DTWD2: variants seen among roughly 807,000 people sequenced by gnomAD.
DTWD2 encodes DTW motif tRNA-uridine aminocarboxypropyltransferase 2.
Under a neutral mutation model 31.8 loss-of-function variants are expected in DTWD2, and 39 were observed. The observed-to-expected ratio is 1.22, with a 90% confidence interval of 0.95 to 1.60. DTWD2 has a LOEUF of 1.60. Among genes scored for constraint, DTWD2 ranks in the 40% most tolerant of loss-of-function variants. The pLI, the probability that DTWD2 is intolerant of heterozygous loss-of-function variation, is 0.00. For synonymous variants in DTWD2, 180 were observed against 142.8 expected (o/e 1.26, Z -1.86); for missense variants, 515 against 381.5 (o/e 1.35, Z -2.92).
intron 4 of DTWD2, among the ~76,000 whole-genome samples, chr5:118,927,364 T>C (rs1753831046): frequency 6.6e-6 from 1 of 151,794 alleles, no homozygotes; most frequent in Non-Finnish European, 1.5e-5. Context: ...AAAGATGAAA[T>C]ATAAAATTGG....
chr5:118,939,293 T>G lies in DTWD2; in HGVS notation c.310-3A>C, dbSNP rs931258022. 1.3e-6 allele frequency: 2 copies of G among 1,560,724 alleles called. No homozygotes were observed. Among genetic ancestry groups the G allele is most frequent in the African/African-American group, 1.4e-5 (1 of 72,454 alleles). ...ACTGTACGCAACACTTTGTTTTCCT[T>G]TAATTAAAAAATGAATTGAAACATA... On this transcript the variant is annotated splice_polypyrimidine_tract_variant and splice_region_variant and intron_variant, in intron 2 of 5. Transcript: ENST00000510708.
At chr5:118,955,367 T>C (rs924230079) in intron 1 of DTWD2, among the ~76,000 whole-genome samples, 1 of 152,222 alleles carries the variant, frequency 6.6e-6, no homozygotes, top group African/African-American at 2.4e-5. Context: ...TCTGCATGCA[T>C]GGTAATGGTG....
intron 4 of DTWD2, among the ~76,000 whole-genome samples, chr5:118,911,726 AT>A (rs1485101859): frequency 6.6e-6 from 1 of 152,232 alleles, no homozygotes; most frequent in Non-Finnish European, 1.5e-5. Flanking sequence ...GGATTCTGCC[AT>A]TTGCGGCAAG....
At chr5:118,915,960 TTAAAGA>T (rs1375941369) in intron 4 of DTWD2, among the ~76,000 whole-genome samples, 1 of 152,178 alleles carries the variant, frequency 6.6e-6, no homozygotes, top group Non-Finnish European at 1.5e-5. Context: ...ATGAGCACTC[TTAAAGA>T]TAAAGAAGTT....
intron 1 of DTWD2, among the ~76,000 whole-genome samples, chr5:118,981,565 C>T (rs1315814966): frequency 6.6e-6 from 1 of 151,952 alleles, no homozygotes. Flanking sequence ...AATCCAACCC[C>T]TCCCTCTCTC....
At chr5:118,858,125 G>T (rs1231945784) in intron 4 of DTWD2, among the ~76,000 whole-genome samples, 1 of 151,664 alleles carries the variant, frequency 6.6e-6, no homozygotes, top group South Asian at 2.1e-4. Flanking sequence ...GTGGTTATTT[G>T]TCACACAACA....
intron 4 of DTWD2, 21 bp from the exon 5 acceptor site, chr5:118,848,239 G>T (rs888847869): frequency 2.4e-5 from 37 of 1,557,212 alleles, no homozygotes; most frequent in Non-Finnish European, 3.0e-5. Context: ...AAACAAAATA[G>T]AACATAATTT....
intron 1 of DTWD2, among the ~76,000 whole-genome samples, chr5:118,963,443 T>A (rs1429900755): frequency 6.6e-6 from 1 of 152,080 alleles, no homozygotes; most frequent in Non-Finnish European, 1.5e-5. Flanking sequence ...AAGGGGTGTA[T>A]GGAGGAGGAA....
chr5:118,947,974 C>T (rs1754376783), intron 1 of DTWD2, among the ~76,000 whole-genome samples: 1 of 152,080 alleles, frequency 6.6e-6, no homozygotes, highest in African/African-American at 2.4e-5. Context: ...ACTTTAATAA[C>T]AAATGTTGCA....
intron 4 of DTWD2, among the ~76,000 whole-genome samples, chr5:118,887,045 G>C (rs778427868): frequency 2.0e-5 from 3 of 152,140 alleles, no homozygotes; most frequent in Non-Finnish European, 4.4e-5. Flanking sequence ...AAAGAAGTTA[G>C]AGGAAAGCAA....
intron 4 of DTWD2, among the ~76,000 whole-genome samples, chr5:118,850,085 C>A (rs1215179389): frequency 2.6e-5 from 4 of 151,316 alleles, no homozygotes; most frequent in African/African-American, 9.7e-5. Flanking sequence ...AAAGAACTCC[C>A]TAGTCAATAA....
At chr5:118,856,131 C>A (rs1255580809) in intron 4 of DTWD2, among the ~76,000 whole-genome samples, 4 of 152,146 alleles carry the variant, frequency 2.6e-5, no homozygotes, top group Non-Finnish European at 5.9e-5. Flanking sequence ...AGTAAAAGTT[C>A]TCCTAATAAA....
chr5:118,988,431 G>T lies in DTWD2; in HGVS notation c.81C>A (p.Asn27Lys), dbSNP rs1755487224. The change falls in exon 1 of 6, where the codon AAC becomes AAA. Residue 27 changes from asparagine (N) to lysine (K), a missense_variant. By Grantham distance (94) the Asn-to-Lys change is moderately conservative (BLOSUM62 0). Coordinates refer to ENST00000510708, the MANE Select transcript of DTWD2 (RefSeq NM_173666.4). The stretch of plus-strand genomic sequence containing the variant: ...CGCCGCCCTCCCGCCGCTCCTTGTC[G>T]TTCGGCGTCTGAGAGCTTGAGGCCC... ...PSGASSSQTP[N>K]DKERREGGAV... 6.2e-7 allele frequency: 1 copy of T among 1,607,166 alleles called. No homozygotes were observed. The highest frequency in any genetic ancestry group is 2.3e-5 in the East Asian group (1 of 44,332).
intron 4 of DTWD2, among the ~76,000 whole-genome samples, chr5:118,883,920 C>T (rs1752798289): frequency 6.6e-6 from 1 of 152,162 alleles, no homozygotes; most frequent in Non-Finnish European, 1.5e-5. Flanking sequence ...GGGCTATGAA[C>T]TTCACAAATA....
intron 4 of DTWD2, among the ~76,000 whole-genome samples, chr5:118,897,606 T>A (rs1038148652): frequency 2.6e-5 from 4 of 152,222 alleles, no homozygotes; most frequent in Non-Finnish European, 5.9e-5. Flanking sequence ...CAACCTGCTA[T>A]GTTAATTATT....
intron 1 of DTWD2, among the ~76,000 whole-genome samples, chr5:118,983,340 G>T (rs1489258022): frequency 6.6e-6 from 1 of 152,146 alleles, no homozygotes; most frequent in Non-Finnish European, 1.5e-5. Context: ...TGTCACAAAA[G>T]CCAGAAATCT....
At chr5:118,893,607 G>A (rs1283566690) in intron 4 of DTWD2, among the ~76,000 whole-genome samples, 1 of 152,034 alleles carries the variant, frequency 6.6e-6, no homozygotes, top group Non-Finnish European at 1.5e-5. Flanking sequence ...TTCAGATGGG[G>A]AGATTATACT....
intron 1 of DTWD2, among the ~76,000 whole-genome samples, chr5:118,967,733 T>A (rs919621707): frequency 3.9e-5 from 6 of 152,178 alleles, no homozygotes; most frequent in African/African-American, 1.4e-4. Context: ...GACACAGCTC[T>A]TCCATATAGA....
chr5:118,854,850 A>G (rs1204244222), intron 4 of DTWD2, among the ~76,000 whole-genome samples: 1 of 152,202 alleles, frequency 6.6e-6, no homozygotes, highest in Non-Finnish European at 1.5e-5. Flanking sequence ...TACATTAATC[A>G]TAGAAATATG....
Sources: allele counts gnomAD v4.1 joint callset (sites outside exome capture counted in the v4.1 genomes callset), GRCh38; gene constraint gnomAD v4.1.1; transcripts MANE v1.5; gene names NCBI Gene and HGNC (gene_info 2026-07-23, HGNC 2026-07-21).